The following PDE10A variants were observed in gnomAD, a reference collection of about 807,000 sequenced individuals.
PDE10A encodes the protein phosphodiesterase 10A, also known as cAMP and cAMP-inhibited cGMP 3',5'-cyclic phosphodiesterase 10A.
In PDE10A, 39 loss-of-function variants were observed where a neutral mutation model predicts 97.7. The ratio of observed to expected loss-of-function variants is 0.40; its 90% CI spans 0.31 to 0.52. The LOEUF (loss-of-function observed/expected upper bound fraction) is 0.52, where lower values mean the gene tolerates loss of function less well. Among genes scored for constraint, PDE10A ranks in the 20% least tolerant of loss-of-function variants. The pLI is 0.56. For synonymous variants in PDE10A, 371 were observed against 376.8 expected, an observed-to-expected ratio of 0.98 and a Z score of 0.18; for missense variants, 731 against 1,047.8, an observed-to-expected ratio of 0.70 and a Z score of 4.17.
chr6:165,696,661 T>A (rs1389544311), intron 1 of PDE10A, among the ~76,000 whole-genome samples: 1 of 152,104 alleles, frequency 6.6e-6, no homozygotes, highest in Non-Finnish European at 1.5e-5. Flanking sequence ...ACCCATATAC[T>A]GGGGAGAAAA....
At chr6:165,912,765 G>A (rs1782497740) in intron 1 of PDE10A, among the ~76,000 whole-genome samples, 1 of 152,206 alleles carries the variant, frequency 6.6e-6, no homozygotes, top group Non-Finnish European at 1.5e-5. Flanking sequence ...GTAAGGCTAT[G>A]TATTACTCAG....
chr6:165,723,746 T>G (rs777101742), intron 1 of PDE10A, among the ~76,000 whole-genome samples: 1 of 152,202 alleles, frequency 6.6e-6, no homozygotes, highest in Non-Finnish European at 1.5e-5. Context: ...TAGCTCTGTT[T>G]ACGACATGAA....
At chr6:165,394,813 G>T (rs1014912208) in intron 15 of PDE10A, among the ~76,000 whole-genome samples, 3 of 152,118 alleles carry the variant, frequency 2.0e-5, no homozygotes, top group African/African-American at 7.2e-5. Context: ...TTTCTCTAAT[G>T]ACCAGTGATG....
chr6:165,676,161 AGTGTGAGCTGAAAAAT>A (rs372556950), intron 1 of PDE10A, among the ~76,000 whole-genome samples: 8 of 152,310 alleles, frequency 5.3e-5, no homozygotes, highest in African/African-American at 1.9e-4. Context: ...CTCACTCAGA[AGTGTGAGCTGAAAAAT>A]GTGTACACAT....
chr6:165,564,178 G>A (rs1784662187), intron 1 of PDE10A, among the ~76,000 whole-genome samples: 1 of 152,170 alleles, frequency 6.6e-6, no homozygotes, highest in Non-Finnish European at 1.5e-5. Flanking sequence ...ATTAACTGGT[G>A]GATTTCCAAG....
chr6:165,525,970 A>G (rs1782419939), intron 2 of PDE10A, among the ~76,000 whole-genome samples: 1 of 152,188 alleles, frequency 6.6e-6, no homozygotes, highest in Non-Finnish European at 1.5e-5. Context: ...ACAGACAATT[A>G]TGGCCCCTCA....
At chr6:165,643,203 G>A (rs1458129107) in intron 1 of PDE10A, among the ~76,000 whole-genome samples, 2 of 152,092 alleles carry the variant, frequency 1.3e-5, no homozygotes, top group Non-Finnish European at 2.9e-5. Context: ...GCATAGGTAG[G>A]TGGGTGGATG....
At chr6:165,700,857 T>C (rs1022393629) in intron 1 of PDE10A, among the ~76,000 whole-genome samples, 1 of 152,156 alleles carries the variant, frequency 6.6e-6, no homozygotes, top group Non-Finnish European at 1.5e-5. Context: ...TGCGGGTGAT[T>C]TTATAGGTAC....
At chr6:165,886,559 G>T (rs557442406) in intron 1 of PDE10A, among the ~76,000 whole-genome samples, 1 of 152,372 alleles carries the variant, frequency 6.6e-6, no homozygotes, top group East Asian at 1.9e-4. Context: ...TCCAGAAGTT[G>T]CTCAGTGAGG....
At chr6:165,426,491 G>C (rs1003782209) in intron 10 of PDE10A, among the ~76,000 whole-genome samples, 2 of 152,008 alleles carry the variant, frequency 1.3e-5, no homozygotes, top group Non-Finnish European at 2.9e-5. Context: ...ACAGATCAAA[G>C]ACCTAAATAT....
chr6:165,734,803 T>C (rs1792523266), intron 1 of PDE10A, among the ~76,000 whole-genome samples: 1 of 152,176 alleles, frequency 6.6e-6, no homozygotes, highest in African/African-American at 2.4e-5. Context: ...GAGATGATGT[T>C]TTCACAGAGC....
At chr6:165,748,103 C>T (rs1438842082) in intron 1 of PDE10A, among the ~76,000 whole-genome samples, 1 of 152,160 alleles carries the variant, frequency 6.6e-6, no homozygotes, top group East Asian at 1.9e-4. Flanking sequence ...CAGGAGAGAC[C>T]TGGCAGAGAA....
At chr6:165,717,483 C>G (rs1019836634) in intron 1 of PDE10A, among the ~76,000 whole-genome samples, 1 of 151,846 alleles carries the variant, frequency 6.6e-6, no homozygotes, top group Non-Finnish European at 1.5e-5. Context: ...ACTCGGGAAG[C>G]GGAGACAGGA....
rs541870964 is a variant in PDE10A, at chr6:165,345,950, G to C, written c.2784-2448C>G. On this transcript the variant is annotated intron_variant, in intron 18 of 21. Coordinates refer to ENST00000539869, the MANE Select transcript of PDE10A (RefSeq NM_001385079.1). The stretch of plus-strand genomic sequence containing the variant: ...GAAGGTCCAGCAGAGAGGAGTGCAC[G>C]TGAAGTCCTAATGTGGAAACAAGCA... 5.3e-5 allele frequency among the ~76,000 whole-genome samples: 8 copies of C among 152,182 alleles called. No individual in the cohort carries two copies. The East Asian group carries it at 1.5e-3, about 29-fold the overall frequency.
intron 1 of PDE10A, among the ~76,000 whole-genome samples, chr6:165,558,025 T>A (rs145498405): frequency 7.2e-5 from 11 of 152,306 alleles, no homozygotes; most frequent in African/African-American, 2.6e-4. Flanking sequence ...ACAAACGATA[T>A]GCCTAACCTA....
In PDE10A at chr6:165,366,422, A is replaced by C. The variant is rs567060860; in HGVS notation, c.2783+12772T>G. ...AAAGAGTATATAATGAAATGGCTAG[A>C]TACTAAACAAAGTTTTAAGATTCTG... is the stretch of plus-strand genomic sequence containing the variant. On this transcript the variant is annotated intron_variant, in intron 18 of 21. Transcript: ENST00000539869. Among the ~76,000 whole-genome samples, 65 of 152,348 alleles carry C rather than the reference A, an allele frequency of 4.3e-4. 1 individual carries two copies. The highest frequency in any genetic ancestry group is 8.7e-4 in the Non-Finnish European group (59 of 68,038).
upstream of PDE10A, among the ~76,000 whole-genome samples, chr6:165,666,836 T>C (rs1210280214): frequency 6.6e-6 from 1 of 152,232 alleles, no homozygotes; most frequent in East Asian, 1.9e-4. Flanking sequence ...GCATGTAATT[T>C]GCATTGACAG....
At chr6:165,920,188 C>T (rs758432345) in intron 1 of PDE10A, among the ~76,000 whole-genome samples, 29 of 152,062 alleles carry the variant, frequency 1.9e-4, no homozygotes, top group Non-Finnish European at 3.5e-4. Flanking sequence ...CTGTATGGTC[C>T]ATAATTACTA....
At chr6:165,751,477 T>A (rs1476869801) in intron 1 of PDE10A, among the ~76,000 whole-genome samples, 1 of 152,152 alleles carries the variant, frequency 6.6e-6, no homozygotes. Flanking sequence ...CTCACATGCC[T>A]CCTCTCCCCT....
Sources: gnomAD v4.1 joint callset for allele counts (sites outside exome capture counted in the v4.1 genomes callset) on GRCh38, gnomAD v4.1.1 for gene constraint, MANE v1.5 for transcripts, NCBI Gene and HGNC (gene_info 2026-07-23, HGNC 2026-07-21) for gene names.